Variants in COL13A1 observed in about 807,000 individuals in gnomAD.
COL13A1 encodes the protein collagen alpha-1(XIII) chain.
In COL13A1, 89 loss-of-function variants were observed where a neutral mutation model predicts 130.9. That is an observed-to-expected ratio of 0.68 (90% confidence interval 0.57 to 0.81). The LOEUF (loss-of-function observed/expected upper bound fraction) is 0.81. COL13A1 is among the 30% of genes least tolerant of loss of function. The pLI, the probability that COL13A1 is intolerant of heterozygous loss-of-function variation, is 0.00. For synonymous variants in COL13A1, 402 were observed against 341.6 expected (o/e 1.18, Z -1.95); for missense variants, 879 against 934.6 (o/e 0.94, Z 0.78).
chr10:69,859,303 G>T (rs1056370110), intron 2 of COL13A1, among the ~76,000 whole-genome samples: 5 of 152,206 alleles, frequency 3.3e-5, no homozygotes, highest in African/African-American at 1.2e-4. Context: ...CATAATAAAT[G>T]TGACTTTAAA....
At chr10:69,891,608 T>C (rs1343153547) in intron 10 of COL13A1, among the ~76,000 whole-genome samples, 1 of 152,156 alleles carries the variant, frequency 6.6e-6, no homozygotes, top group African/African-American at 2.4e-5. Flanking sequence ...TGCACATGCA[T>C]GGAGTAGTGG....
At chr10:69,813,367 T>G (rs1033840782) in intron 1 of COL13A1, among the ~76,000 whole-genome samples, 2 of 152,188 alleles carry the variant, frequency 1.3e-5, no homozygotes, top group Non-Finnish European at 2.9e-5. Flanking sequence ...AAGGAAGGAC[T>G]TCGTCATACG....
At chr10:69,869,808 A>G (rs1272609729) in intron 3 of COL13A1, among the ~76,000 whole-genome samples, 3 of 152,218 alleles carry the variant, frequency 2.0e-5, no homozygotes, top group Non-Finnish European at 4.4e-5. Context: ...ACTGGGAACT[A>G]TGAGACTGAA....
chr10:69,844,031 C>G (rs1852325276), intron 2 of COL13A1, among the ~76,000 whole-genome samples: 1 of 152,114 alleles, frequency 6.6e-6, no homozygotes, highest in African/African-American at 2.4e-5. Context: ...ACCAGTAAAG[C>G]ATAGAAAATA....
intron 23 of COL13A1, among the ~76,000 whole-genome samples, chr10:69,923,072 A>G (rs905319787): frequency 2.6e-5 from 4 of 152,166 alleles, no homozygotes; most frequent in African/African-American, 9.7e-5. Flanking sequence ...TCAGGGCGCA[A>G]TGGCTGCAGG....
At chr10:69,863,627 G>A (rs1348176468) in intron 2 of COL13A1, among the ~76,000 whole-genome samples, 8 of 152,294 alleles carry the variant, frequency 5.3e-5, no homozygotes, top group Admixed American at 3.9e-4. Flanking sequence ...GGGTCGAGGG[G>A]GAGGGGACTT....
intron 30 of COL13A1, 37 bp downstream of exon 30, chr10:69,930,589 C>G (rs543258686): frequency 1.3e-6 from 2 of 1,597,700 alleles, no homozygotes; most frequent in African/African-American, 2.7e-5. Context: ...CGTGCATACA[C>G]CACTCCCAAG....
rs965871436 is a variant in COL13A1, at chr10:69,802,273, C to G, written c.-151C>G. Reference sequence around the variant, plus strand: ...CTTCCTCTCCTACTGCTAATTTTTCCGTCCTCTTTGCCGGGAGCAGCGGAA... The same window carrying G: ...CTTCCTCTCCTACTGCTAATTTTTCGGTCCTCTTTGCCGGGAGCAGCGGAA... On this transcript the variant is annotated 5_prime_UTR_variant, in exon 1 of 41. Coordinates refer to ENST00000645393, the MANE Select transcript of COL13A1 (RefSeq NM_001368882.1). 60 of 946,406 alleles carry G rather than the reference C, an allele frequency of 6.3e-5. No homozygotes were observed. Among genetic ancestry groups the G allele is most frequent in the Non-Finnish European group, 8.2e-5 (57 of 697,110 alleles). The allele number at this position is 946,406 out of a possible 1,614,324, so 58.6% of individuals were successfully genotyped here. A position where few individuals can be genotyped will look rare whatever the true frequency, so the allele number is the denominator to read the frequency against.
chr10:69,876,412 G>C (rs1456185514), intron 5 of COL13A1, among the ~76,000 whole-genome samples: 1 of 152,176 alleles, frequency 6.6e-6, no homozygotes, highest in Non-Finnish European at 1.5e-5. Context: ...CCAGAGGCCT[G>C]GGATATTTCA....
At chr10:69,919,278 C>T (rs2064324464) in intron 20 of COL13A1, among the ~76,000 whole-genome samples, 190 bp downstream of exon 20, 1 of 152,196 alleles carries the variant, frequency 6.6e-6, no homozygotes. Context: ...TCCTGGCCTG[C>T]AGGCATGCCA....
At chr10:69,949,904 T>TG (rs1261272236) in intron 38 of COL13A1, among the ~76,000 whole-genome samples, 11 of 82,976 alleles carry the variant, frequency 1.3e-4, no homozygotes, top group East Asian at 8.1e-4. Flanking sequence ...TGCCCAACTT[T>TG]GGGGGGGTGG....
intron 37 of COL13A1, 49 bp from the exon 38 acceptor site, chr10:69,947,258 G>A: frequency 6.4e-7 from 1 of 1,566,174 alleles, no homozygotes; most frequent in East Asian, 2.2e-5. Context: ...CTGTACAGCT[G>A]GCCTGTGTGT....
At chr10:69,892,939 C>T (rs567528571) in intron 10 of COL13A1, among the ~76,000 whole-genome samples, 38 of 152,284 alleles carry the variant, frequency 2.5e-4, no homozygotes, top group South Asian at 1.9e-3. Context: ...CCTGAAACTC[C>T]GCCTGCCCCT....
At chr10:69,940,025 C>T (rs1403441222) in intron 34 of COL13A1, among the ~76,000 whole-genome samples, 2 of 152,128 alleles carry the variant, frequency 1.3e-5, no homozygotes, top group Non-Finnish European at 2.9e-5. Context: ...AGAGTATTGC[C>T]GCTGCCTTCT....
At chr10:69,870,792 CT>C (rs1337347339) in intron 3 of COL13A1, among the ~76,000 whole-genome samples, 1 of 151,546 alleles carries the variant, frequency 6.6e-6, no homozygotes, top group Non-Finnish European at 1.5e-5. Context: ...CTGCAACATC[CT>C]GTGCACATGA....
At chr10:69,805,404 G>A (rs1292157121) in intron 1 of COL13A1, among the ~76,000 whole-genome samples, 1 of 152,206 alleles carries the variant, frequency 6.6e-6, no homozygotes, top group Non-Finnish European at 1.5e-5. Context: ...TGTCCCACAG[G>A]TGGATGGCGT....
In COL13A1 at chr10:69,930,094, A is replaced by G; in HGVS notation, c.1530+7A>G. 1.2e-6 allele frequency: 2 copies of G among 1,613,668 alleles called. No individual in the cohort carries two copies. The highest frequency in any genetic ancestry group is 2.2e-5 in the South Asian group (2 of 91,060). On this transcript the variant is annotated splice_region_variant and intron_variant, in intron 29 of 40. Coordinates refer to ENST00000645393, the MANE Select transcript of COL13A1 (RefSeq NM_001368882.1). ...AGGACACGATGGGGAAAAGGTATGA[A>G]CAGACGTCCTCTGGTCAAACCTCTG...
At chr10:69,899,408 T>C (rs1254382899) in intron 14 of COL13A1, among the ~76,000 whole-genome samples, 1 of 152,222 alleles carries the variant, frequency 6.6e-6, no homozygotes, top group Non-Finnish European at 1.5e-5. Context: ...AGTGAATTGA[T>C]TTGCCCAAGG....
rs1370448539 is a variant in COL13A1, at chr10:69,822,404, C to T, written c.330C>T (p.Ala110=). The change falls in exon 2 of 41, where the codon GCC becomes GCT. Residue 110 remains alanine, a synonymous_variant. Coordinates refer to ENST00000645393, the MANE Select transcript of COL13A1 (RefSeq NM_001368882.1). ...TCCACTCAAGGAGGCGCCGGGAGGC[C>T]CCAAAGACATCTCCAGGATGTAACT... The part of the protein sequence containing the change: ...WKLHSRRRRE[A]PKTSPGCNCP... The T allele has an allele frequency of 1.3e-6, 2 of 1,594,522 alleles. No individual in the cohort carries two copies.
Sources: gnomAD v4.1 joint callset for allele counts (sites outside exome capture counted in the v4.1 genomes callset) on GRCh38, gnomAD v4.1.1 for gene constraint, MANE v1.5 for transcripts, NCBI Gene and HGNC (gene_info 2026-07-23, HGNC 2026-07-21) for gene names.